The following SLC10A7 variants were observed in gnomAD, a reference collection of about 807,000 sequenced individuals.
SLC10A7 encodes solute carrier family 10 member 7, also known as sodium/bile acid cotransporter 7.
In SLC10A7, 29 loss-of-function variants were observed where a neutral mutation model predicts 43.2. The ratio of observed to expected loss-of-function variants is 0.67; its 90% confidence interval spans 0.50 to 0.92. SLC10A7 has a LOEUF of 0.92. Among genes scored for constraint, SLC10A7 ranks in the 40% least tolerant of loss-of-function variants. SLC10A7 has a pLI of 0.00. For synonymous variants in SLC10A7, 152 were observed against 144.8 expected, an observed-to-expected ratio of 1.05 and a Z score of -0.35; for missense variants, 295 against 403.2, an observed-to-expected ratio of 0.73 and a Z score of 2.30.
At chr4:146,454,518 A>AC (rs934747668) in intron 4 of SLC10A7, among the ~76,000 whole-genome samples, 18 of 151,994 alleles carry the variant, frequency 1.2e-4, no homozygotes, top group Admixed American at 1.1e-3. Context: ...TTTATATATT[A>AC]TTTTTAACAG....
At chr4:146,343,309 C>T (rs967084754) in intron 5 of SLC10A7, among the ~76,000 whole-genome samples, 8 of 151,966 alleles carry the variant, frequency 5.3e-5, no homozygotes, top group Non-Finnish European at 7.4e-5. Flanking sequence ...GCAGATTGGG[C>T]CACAAGTAAA....
At chr4:146,372,989 A>C (rs1307758782) in intron 5 of SLC10A7, among the ~76,000 whole-genome samples, 1 of 152,226 alleles carries the variant, frequency 6.6e-6, no homozygotes, top group East Asian at 1.9e-4. Context: ...GTCTTGAAGA[A>C]TATCAATCAG....
chr4:146,311,341 C>T (rs1327516644), intron 6 of SLC10A7, among the ~76,000 whole-genome samples: 2 of 152,100 alleles, frequency 1.3e-5, no homozygotes, highest in Non-Finnish European at 1.5e-5. Flanking sequence ...AGTTATCAAC[C>T]TACAGTTAGA....
chr4:146,404,193 ATT>A (rs1227365271), intron 5 of SLC10A7, among the ~76,000 whole-genome samples: 1 of 151,838 alleles, frequency 6.6e-6, no homozygotes, highest in Non-Finnish European at 1.5e-5. Flanking sequence ...TTTGTTTTTA[ATT>A]TTTTTGTAAA....
At chr4:146,379,797 T>A (rs980598805) in intron 5 of SLC10A7, among the ~76,000 whole-genome samples, 6 of 152,194 alleles carry the variant, frequency 3.9e-5, no homozygotes, top group African/African-American at 1.4e-4. Context: ...CTATTGAGTA[T>A]TATATCAGAT....
chr4:146,297,641 C>G (rs1483191063), intron 7 of SLC10A7, among the ~76,000 whole-genome samples: 2 of 152,116 alleles, frequency 1.3e-5, no homozygotes, highest in Admixed American at 6.5e-5. Context: ...TTTGTTTCTT[C>G]AATTTTTATC....
intron 5 of SLC10A7, among the ~76,000 whole-genome samples, chr4:146,389,511 CATG>C (rs1738262534): frequency 6.6e-6 from 1 of 152,116 alleles, no homozygotes; most frequent in Non-Finnish European, 1.5e-5. Context: ...TTGTTAAAGC[CATG>C]GAGTCTATGG....
At chr4:146,408,811 T>A (rs1342599549) in intron 5 of SLC10A7, 2 of 152,148 alleles carry the variant, frequency 1.3e-5, no homozygotes, top group Non-Finnish European at 2.9e-5. Flanking sequence ...TGCTTTATTA[T>A]CTATTAATAT....
At chr4:146,488,303 TA>T (rs1735090044) in intron 4 of SLC10A7, among the ~76,000 whole-genome samples, 2 of 152,196 alleles carry the variant, frequency 1.3e-5, no homozygotes, top group African/African-American at 4.8e-5. Context: ...AAATATATTT[TA>T]ATTCTGTATA....
At chr4:146,421,976 T>C (rs563891901) in intron 5 of SLC10A7, among the ~76,000 whole-genome samples, 1 of 152,346 alleles carries the variant, frequency 6.6e-6, no homozygotes, top group South Asian at 2.1e-4. Context: ...GTGTTTTACT[T>C]AGGCACATCT....
intron 5 of SLC10A7, among the ~76,000 whole-genome samples, chr4:146,341,575 T>C (rs1232069825): frequency 6.6e-6 from 1 of 151,820 alleles, no homozygotes; most frequent in Non-Finnish European, 1.5e-5. Flanking sequence ...GTATTCTATA[T>C]AGTAGTTGGA....
chr4:146,423,518 G>A (rs570404642), intron 5 of SLC10A7, among the ~76,000 whole-genome samples: 2 of 152,216 alleles, frequency 1.3e-5, no homozygotes, highest in South Asian at 4.2e-4. Context: ...GGATTTCCTT[G>A]CCTAGAGACA....
At position 146,293,926 on chromosome 4, in the gene SLC10A7, T is replaced by C; in HGVS notation, c.721+4A>G. The stretch of plus-strand genomic sequence containing the variant: ...TAGCCAGGCTATCCCATTTTCCAAC[T>C]TACTTATGAACAGTATGAGAACAAG... On this transcript the variant is annotated splice_donor_region_variant and intron_variant, in intron 8 of 11. Transcript: ENST00000335472. 6.2e-7 allele frequency: 1 copy of C among 1,601,562 alleles called. No homozygotes were observed. The highest frequency in any genetic ancestry group is 1.1e-5 in the South Asian group (1 of 88,522).
intron 5 of SLC10A7, among the ~76,000 whole-genome samples, chr4:146,403,988 A>G (rs952901802): frequency 2.0e-5 from 3 of 152,128 alleles, no homozygotes; most frequent in Admixed American, 6.6e-5. Context: ...TAAATTACCA[A>G]ATAGAAAGAC....
At chr4:146,347,261 C>A (rs1271967121) in intron 5 of SLC10A7, among the ~76,000 whole-genome samples, 1 of 152,056 alleles carries the variant, frequency 6.6e-6, no homozygotes, top group African/African-American at 2.4e-5. Flanking sequence ...ATAATAAACA[C>A]CATTCCCATG....
intron 5 of SLC10A7, among the ~76,000 whole-genome samples, chr4:146,345,505 G>A (rs1312479463): frequency 6.6e-6 from 1 of 152,022 alleles, no homozygotes; most frequent in Non-Finnish European, 1.5e-5. Context: ...AGGGCCCTTG[G>A]TCTATTCCTT....
intron 5 of SLC10A7, among the ~76,000 whole-genome samples, chr4:146,422,581 T>G (rs1579146446): frequency 6.6e-6 from 1 of 152,182 alleles, no homozygotes; most frequent in East Asian, 1.9e-4. Flanking sequence ...TGCAGACTTC[T>G]CATGTCAAAC....
chr4:146,422,124 A>G (rs1484615207), intron 5 of SLC10A7, among the ~76,000 whole-genome samples: 1 of 152,224 alleles, frequency 6.6e-6, no homozygotes, highest in Non-Finnish European at 1.5e-5. Flanking sequence ...GAAAAGAGCC[A>G]AGCATACAAA....
chr4:146,410,586 G>A (rs1373452665), intron 5 of SLC10A7, among the ~76,000 whole-genome samples: 2 of 152,030 alleles, frequency 1.3e-5, no homozygotes, highest in African/African-American at 2.4e-5. Flanking sequence ...TTGGATCAAG[G>A]CTAATAAGTT....
Sources: allele counts gnomAD v4.1 joint callset (sites outside exome capture counted in the v4.1 genomes callset), GRCh38; gene constraint gnomAD v4.1.1; transcripts MANE v1.5; gene names NCBI Gene and HGNC (gene_info 2026-07-23, HGNC 2026-07-21).